Variants in EFL1 observed in about 807,000 individuals in gnomAD.
The protein encoded by EFL1 is elongation factor like GTPase 1, also known as elongation factor-like GTPase 1.
EFL1 carries 76 observed loss-of-function variants against 126.7 expected under a neutral mutation model. The observed-to-expected ratio is 0.60, with a 90% confidence interval of 0.50 to 0.73. The LOEUF is 0.73. EFL1 is among the 30% of genes least tolerant of loss of function. The pLI, the probability that EFL1 is intolerant of heterozygous loss-of-function variation, is 0.00. For missense variants in EFL1, 1,128 were observed against 1,343.2 expected (o/e 0.84, Z 2.50); for synonymous variants, 410 against 448.4 (o/e 0.91, Z 1.08).
Position 82,152,270 on chromosome 15 carries a change from G to A in EFL1, c.2184C>T (p.Ile728=). ...IHQMKEDQSK[I]PEGIQVDSDG... is the part of the protein sequence containing the mutation. ...CAGAGTCAACTTGGATTCCTTCAGG[G>A]ATTTTGCTTTGATCTTCTTTCATTT... Residue 728 remains isoleucine, a synonymous_variant, in exon 18 of 20, where the codon ATC becomes ATT. Coordinates refer to ENST00000268206, the MANE Select transcript of EFL1 (RefSeq NM_024580.6). 1 of 1,614,154 alleles carries A rather than the reference G, an allele frequency of 6.2e-7. No homozygotes were observed. Among genetic ancestry groups the A allele is most frequent in the East Asian group, 2.2e-5 (1 of 44,886 alleles).
intron 19 of EFL1, among the ~76,000 whole-genome samples, chr15:82,137,799 G>A (rs140981072): frequency 1.2e-4 from 19 of 152,270 alleles, no homozygotes; most frequent in African/African-American, 2.6e-4. Flanking sequence ...TTCTTGAAAA[G>A]TAAATTGTTT....
intron 15 of EFL1, among the ~76,000 whole-genome samples, chr15:82,182,476 T>C (rs552093794): frequency 3.9e-5 from 6 of 152,250 alleles, no homozygotes; most frequent in Non-Finnish European, 8.8e-5. Context: ...TCTGAAGTAT[T>C]ATTCTGTTAG....
chr15:82,184,295 A>C lies in EFL1; in HGVS notation c.1751-20311T>G, dbSNP rs2074281333. ...AAAACTGCAGAAGCATGAGGTAAGT[A>C]ATAAAGCAAGTTCAAACCATGACCG... On this transcript the variant is annotated intron_variant, in intron 15 of 19. Transcript: ENST00000268206. 2.6e-5 allele frequency among the ~76,000 whole-genome samples: 4 copies of C among 152,238 alleles called. No individual in the cohort carries two copies. The South Asian group carries it at 6.2e-4, about 24-fold the overall frequency.
At chr15:82,171,746 C>A (rs1027926940) in intron 15 of EFL1, among the ~76,000 whole-genome samples, 4 of 152,170 alleles carry the variant, frequency 2.6e-5, no homozygotes, top group Admixed American at 1.3e-4. Context: ...GGATAAAAAA[C>A]TACCTATCAG....
intron 6 of EFL1, among the ~76,000 whole-genome samples, chr15:82,240,068 G>C (rs1345263226): frequency 6.6e-6 from 1 of 152,120 alleles, no homozygotes; most frequent in Non-Finnish European, 1.5e-5. Flanking sequence ...TGAAATATTT[G>C]CTGAATAAAT....
chr15:82,226,263 G>A (rs1311983653), intron 11 of EFL1, among the ~76,000 whole-genome samples: 1 of 152,144 alleles, frequency 6.6e-6, no homozygotes, highest in African/African-American at 2.4e-5. Context: ...CCGCCTCCCA[G>A]GTTCAAGCGA....
intron 17 of EFL1, among the ~76,000 whole-genome samples, chr15:82,153,758 T>C (rs1283777792): frequency 1.3e-5 from 2 of 152,200 alleles, no homozygotes; most frequent in Admixed American, 6.5e-5. Flanking sequence ...TTAATTTGTA[T>C]TAGATCTGTT....
chr15:82,240,361 A>C, intron 6 of EFL1, 57 bp downstream of exon 6: 1 of 1,512,044 alleles, frequency 6.6e-7, no homozygotes, highest in Non-Finnish European at 8.9e-7. Flanking sequence ...CAGCTCAGTA[A>C]CTTCCTTACA....
At chr15:82,183,839 C>T (rs1253771142) in intron 15 of EFL1, among the ~76,000 whole-genome samples, 4 of 152,182 alleles carry the variant, frequency 2.6e-5, no homozygotes, top group Non-Finnish European at 4.4e-5. Context: ...CTGCAAAGCA[C>T]TGGGAAGTCT....
intron 15 of EFL1, among the ~76,000 whole-genome samples, chr15:82,199,776 T>A (rs2074447801): frequency 6.6e-6 from 1 of 152,248 alleles, no homozygotes; most frequent in South Asian, 2.1e-4. Context: ...GCTTTTTCTA[T>A]ATAATTACCT....
At chr15:82,168,100 G>C (rs748838765) in intron 15 of EFL1, among the ~76,000 whole-genome samples, 1 of 152,122 alleles carries the variant, frequency 6.6e-6, no homozygotes, top group Non-Finnish European at 1.5e-5. Context: ...AGAACCCTTA[G>C]TTTTGAAAGA....
At chr15:82,190,110 TAAA>T (rs76997618) in intron 15 of EFL1, among the ~76,000 whole-genome samples, 3 of 136,850 alleles carry the variant, frequency 2.2e-5, no homozygotes. Flanking sequence ...GACTCTGTCT[TAAA>T]AAAAAAAAAA....
At chr15:82,177,693 G>GCTT (rs2074209213) in intron 15 of EFL1, among the ~76,000 whole-genome samples, 1 of 152,180 alleles carries the variant, frequency 6.6e-6, no homozygotes, top group Non-Finnish European at 1.5e-5. Flanking sequence ...AGCACCACAT[G>GCTT]CTTCTCTACT....
intron 18 of EFL1, among the ~76,000 whole-genome samples, chr15:82,148,861 T>C (rs2073877110): frequency 1.3e-5 from 2 of 152,238 alleles, no homozygotes. Context: ...ATATGCTAAT[T>C]TTCTGTAGAA....
chr15:82,224,129 T>C (rs567160055), intron 12 of EFL1, among the ~76,000 whole-genome samples: 21 of 152,150 alleles, frequency 1.4e-4, no homozygotes, highest in Non-Finnish European at 2.8e-4. Flanking sequence ...AGTCGAAACA[T>C]GGTTTGGGGT....
At chr15:82,209,515 T>C (rs2074562437) in intron 15 of EFL1, among the ~76,000 whole-genome samples, 1 of 152,176 alleles carries the variant, frequency 6.6e-6, no homozygotes, top group Non-Finnish European at 1.5e-5. Flanking sequence ...GATTTAACCA[T>C]ATGGAAGAGA....
At chr15:82,168,450 T>G (rs2074100810) in intron 15 of EFL1, among the ~76,000 whole-genome samples, 1 of 152,210 alleles carries the variant, frequency 6.6e-6, no homozygotes, top group Non-Finnish European at 1.5e-5. Flanking sequence ...CTTGCAACAA[T>G]GACATCACTA....
intron 4 of EFL1, among the ~76,000 whole-genome samples, chr15:82,248,592 C>A (rs901108451): frequency 7.9e-5 from 12 of 152,100 alleles, no homozygotes; most frequent in Admixed American, 5.2e-4. Flanking sequence ...TGCATATGGA[C>A]CTCTTTGCAG....
At chr15:82,179,937 A>G (rs1188023199) in intron 15 of EFL1, among the ~76,000 whole-genome samples, 1 of 152,096 alleles carries the variant, frequency 6.6e-6, no homozygotes, top group Non-Finnish European at 1.5e-5. Context: ...AATAAATACT[A>G]GGTCCCTGGT....
Sources: gnomAD v4.1 joint callset for allele counts (sites outside exome capture counted in the v4.1 genomes callset) on GRCh38, gnomAD v4.1.1 for gene constraint, MANE v1.5 for transcripts, NCBI Gene and HGNC (gene_info 2026-07-23, HGNC 2026-07-21) for gene names.